The following DPH6 variants were observed in gnomAD, a reference collection of about 807,000 sequenced individuals.
DPH6 encodes the protein diphthamine biosynthesis 6.
In DPH6, 33 loss-of-function variants were observed where a neutral mutation model predicts 38.2. That is an observed-to-expected ratio of 0.86 (90% confidence interval 0.65 to 1.15). The LOEUF is 1.15. Among genes scored for constraint, DPH6 ranks in the 50% most tolerant of loss-of-function variants. The pLI is 0.00. For synonymous variants in DPH6, 108 were observed against 103.0 expected, an observed-to-expected ratio of 1.05 and a Z score of -0.30; for missense variants, 325 against 320.0, an observed-to-expected ratio of 1.02 and a Z score of -0.12.
chr15:35,345,733 T>A (rs901954888), intron 3 of DPH6, among the ~76,000 whole-genome samples: 14 of 152,076 alleles, frequency 9.2e-5, no homozygotes, highest in Admixed American at 8.5e-4. Context: ...TTTCCAAGTA[T>A]ATTTTTAAAA....
chr15:35,393,915 G>C (rs1466412437), intron 6 of DPH6, among the ~76,000 whole-genome samples: 1 of 152,088 alleles, frequency 6.6e-6, no homozygotes, highest in Non-Finnish European at 1.5e-5. Flanking sequence ...TACTGATATA[G>C]AGAACTTAGT....
chr15:35,292,690 T>C (rs1037164776), intron 3 of DPH6, among the ~76,000 whole-genome samples: 3 of 152,148 alleles, frequency 2.0e-5, no homozygotes, highest in Admixed American at 6.5e-5. Flanking sequence ...TTATATTTAT[T>C]CATTTGAACA....
chr15:35,350,206 A>G (rs948179438), intron 3 of DPH6, among the ~76,000 whole-genome samples: 18 of 152,010 alleles, frequency 1.2e-4, no homozygotes, highest in African/African-American at 4.1e-4. Context: ...ATTGCTTTGA[A>G]GTTGTCAAAT....
intron 3 of DPH6, chr15:35,237,044 GT>G (rs1466068005): frequency 2.3e-6 from 1 of 431,602 alleles, no homozygotes; most frequent in African/African-American, 2.0e-5. Context: ...CATCATGACT[GT>G]TTTTCTTGGG....
At chr15:35,518,611 G>A (rs1358790301) in intron 3 of DPH6, among the ~76,000 whole-genome samples, 1 of 151,988 alleles carries the variant, frequency 6.6e-6, no homozygotes, top group Non-Finnish European at 1.5e-5. Flanking sequence ...GGAATGAGGT[G>A]TGTAGGGAGT....
At chr15:35,504,189 G>A (rs887468904) in intron 3 of DPH6, among the ~76,000 whole-genome samples, 1 of 151,876 alleles carries the variant, frequency 6.6e-6, no homozygotes, top group Non-Finnish European at 1.5e-5. Context: ...CTTACAGAAT[G>A]GGGTCTCCAA....
At chr15:35,301,037 A>G (rs992935496) in intron 3 of DPH6, among the ~76,000 whole-genome samples, 1 of 152,234 alleles carries the variant, frequency 6.6e-6, no homozygotes, top group Non-Finnish European at 1.5e-5. Context: ...GAGCAACAAG[A>G]AAATGGTCTC....
chr15:35,417,562 C>T (rs947991359), intron 5 of DPH6, among the ~76,000 whole-genome samples: 1 of 151,974 alleles, frequency 6.6e-6, no homozygotes, highest in Middle Eastern at 3.2e-3. Context: ...AAAAGCTAGA[C>T]ATCACAACAT....
the DPH6 span, among the ~76,000 whole-genome samples, chr15:35,169,198 C>T: frequency 6.6e-6 from 1 of 152,054 alleles, no homozygotes; most frequent in African/African-American, 2.4e-5. Flanking sequence ...ATATCATATT[C>T]ATATCATATT....
chr15:35,419,450 T>C (rs2053477659), intron 5 of DPH6, among the ~76,000 whole-genome samples: 1 of 152,136 alleles, frequency 6.6e-6, no homozygotes, highest in Admixed American at 6.6e-5. Context: ...AACACGTGAC[T>C]TCTTTGCTTT....
chr15:35,515,012 C>T (rs189799666), intron 3 of DPH6, among the ~76,000 whole-genome samples: 3 of 152,172 alleles, frequency 2.0e-5, no homozygotes, highest in Admixed American at 1.3e-4. Flanking sequence ...GCAGTAACTT[C>T]CTGCCCTAAA....
chr15:35,189,967 T>C, the DPH6 span, among the ~76,000 whole-genome samples: 1 of 152,198 alleles, frequency 6.6e-6, no homozygotes. Context: ...GTAACAAAGT[T>C]TGTCCAGGTG....
At chr15:35,165,149 C>A in the DPH6 span, among the ~76,000 whole-genome samples, 1 of 151,884 alleles carries the variant, frequency 6.6e-6, no homozygotes, top group Non-Finnish European at 1.5e-5. Context: ...ACAGTAGCCA[C>A]CACATGAACT....
At chr15:35,291,960 G>A (rs2051983143) in intron 3 of DPH6, among the ~76,000 whole-genome samples, 1 of 151,326 alleles carries the variant, frequency 6.6e-6, no homozygotes, top group African/African-American at 2.4e-5. Flanking sequence ...GTTTTTTTCT[G>A]ACCTTAGTCA....
intron 6 of DPH6, among the ~76,000 whole-genome samples, chr15:35,388,714 T>C (rs1159286429): frequency 1.3e-5 from 2 of 152,248 alleles, no homozygotes; most frequent in Non-Finnish European, 2.9e-5. Context: ...TTATTGCATC[T>C]ATTTGATTCT....
chr15:35,531,139 G>C (rs1440665980), intron 3 of DPH6, among the ~76,000 whole-genome samples: 1 of 152,130 alleles, frequency 6.6e-6, no homozygotes, highest in African/African-American at 2.4e-5. Context: ...TTGCCTCAGA[G>C]CCACCCAACA....
rs141280065 is a variant in DPH6 at position 35,377,210 on chromosome 15, C to T, written c.663-3602G>A. The stretch of plus-strand genomic sequence containing the variant: ...TTACGGTGTTCTGTATTGAGTTATG[C>T]CTTGAGTGGGCAGAAAATATGAGTA... On this transcript the variant is annotated intron_variant, in intron 7 of 8. Transcript: ENST00000256538. Among the ~76,000 whole-genome samples, 11 of 152,132 alleles carry T rather than the reference C, an allele frequency of 7.2e-5. No homozygotes were observed. In the East Asian group the frequency reaches 2.1e-3, roughly 29 times the overall value.
At chr15:35,496,567 A>ATATATATATATATATATATATATATATAT (rs1555406398) in intron 3 of DPH6, among the ~76,000 whole-genome samples, 2 of 31,014 alleles carry the variant, frequency 6.4e-5, no homozygotes, top group Non-Finnish European at 1.1e-4. Context: ...AAAAAAAAAA[A>ATATATATATATATATATATATATATATAT]ATATATATAT....
intron 3 of DPH6, chr15:35,521,999 G>C: frequency 6.7e-7 from 1 of 1,490,534 alleles, no homozygotes; most frequent in Non-Finnish European, 8.9e-7. Context: ...CTACCAGCAA[G>C]CAGAATGAAA....
Sources: gnomAD v4.1 joint callset for allele counts (sites outside exome capture counted in the v4.1 genomes callset) on GRCh38, gnomAD v4.1.1 for gene constraint, MANE v1.5 for transcripts, NCBI Gene and HGNC (gene_info 2026-07-23, HGNC 2026-07-21) for gene names.